Variants in RPTOR observed in about 807,000 individuals in gnomAD.
RPTOR encodes the protein regulatory-associated protein of mTOR.
In RPTOR, 21 loss-of-function variants were observed where a neutral mutation model predicts 169.9. That is an observed-to-expected ratio of 0.12 (90% CI 0.09 to 0.18). The LOEUF is 0.18. Among genes scored for constraint, RPTOR ranks in the 10% least tolerant of loss-of-function variants. The probability of loss-of-function intolerance (pLI) is 1.00; values close to 1 mark genes in which losing one functional copy is unlikely to be tolerated. For missense variants in RPTOR, 1,133 were observed against 1,855.9 expected (o/e 0.61, Z 7.16); for synonymous variants, 732 against 753.2 (o/e 0.97, Z 0.46).
chr17:80,735,959 T>C (rs1417829443), intron 5 of RPTOR, among the ~76,000 whole-genome samples: 6 of 151,914 alleles, frequency 3.9e-5, no homozygotes, highest in Non-Finnish European at 4.4e-5. Context: ...ATGGCTTGAG[T>C]TCAGGAGTTC....
intron 25 of RPTOR, among the ~76,000 whole-genome samples, chr17:80,940,940 C>A (rs1268103599): frequency 2.0e-5 from 3 of 152,228 alleles, no homozygotes; most frequent in African/African-American, 7.2e-5. Flanking sequence ...GCAGGTGGAA[C>A]TCATGGAGGC....
At chr17:80,626,662 TC>T (rs1191228028) in intron 2 of RPTOR, among the ~76,000 whole-genome samples, 1 of 151,024 alleles carries the variant, frequency 6.6e-6, no homozygotes, top group Non-Finnish European at 1.5e-5. Flanking sequence ...AGTAATTTGC[TC>T]ACGGTTGTCC....
chr17:80,623,759 C>T (rs1599610106), intron 1 of RPTOR, among the ~76,000 whole-genome samples: 1 of 152,274 alleles, frequency 6.6e-6, no homozygotes, highest in East Asian at 1.9e-4. Flanking sequence ...TGATCTTGAA[C>T]TCCTGATGTC....
At chr17:80,568,925 A>G (rs1168453010) in intron 1 of RPTOR, among the ~76,000 whole-genome samples, 3 of 152,298 alleles carry the variant, frequency 2.0e-5, no homozygotes, top group African/African-American at 7.2e-5. Flanking sequence ...GTGACCTCCC[A>G]TGGTGTCAGG....
In RPTOR at chr17:80,964,413, G is replaced by A; in HGVS notation, c.*83G>A. On this transcript the variant is annotated 3_prime_UTR_variant, in exon 34 of 34. Coordinates refer to ENST00000306801, the MANE Select transcript of RPTOR (RefSeq NM_020761.3). Reference sequence around the variant, plus strand: ...CTCGCCGGGGCACGGGGCGTCGGCTGCTGCGGCCCCGCAGTGTGAACGTTG... The same window carrying A: ...CTCGCCGGGGCACGGGGCGTCGGCTACTGCGGCCCCGCAGTGTGAACGTTG... The A allele has an allele frequency of 7.3e-7, 1 of 1,376,288 alleles. No homozygotes were observed. Among genetic ancestry groups the A allele is most frequent in the Non-Finnish European group, 1.0e-6 (1 of 979,280 alleles). 85.3% of individuals were successfully genotyped at this position (1,376,288 alleles called of 1,614,324 possible).
rs542682439 is a variant in RPTOR at position 80,881,486 on chromosome 17, G to A, written c.1584+997G>A. Among the ~76,000 whole-genome samples the A allele has an allele frequency of 5.9e-5, 9 of 152,376 alleles. No individual in the cohort carries two copies. The South Asian group carries it at 1.4e-3, about 25-fold the overall frequency. On this transcript the variant is annotated intron_variant, in intron 14 of 33. Coordinates refer to ENST00000306801, the MANE Select transcript of RPTOR (RefSeq NM_020761.3). ...ACATGAACGGCCCCACCTCAGCCAC[G>A]AGCCTGCGGAAGTTTTGAGGACACA...
At chr17:80,854,839 G>A (rs2067835345) in intron 11 of RPTOR, among the ~76,000 whole-genome samples, 1 of 152,238 alleles carries the variant, frequency 6.6e-6, no homozygotes, top group South Asian at 2.1e-4. Flanking sequence ...GCTGCAGTGA[G>A]CCATGATCTG....
At chr17:80,872,115 G>A (rs1369336785) in intron 13 of RPTOR, among the ~76,000 whole-genome samples, 1 of 152,226 alleles carries the variant, frequency 6.6e-6, no homozygotes, top group Non-Finnish European at 1.5e-5. Context: ...TAGGGAGCAC[G>A]TTTGTGAAGC....
intron 9 of RPTOR, among the ~76,000 whole-genome samples, chr17:80,835,179 G>A (rs1271639110): frequency 6.6e-6 from 1 of 152,026 alleles, no homozygotes; most frequent in South Asian, 2.1e-4. Context: ...GGCCAGTCTT[G>A]GGAAAATTGA....
At chr17:80,608,422 C>T (rs997359275) in intron 1 of RPTOR, among the ~76,000 whole-genome samples, 7 of 152,144 alleles carry the variant, frequency 4.6e-5, no homozygotes, top group African/African-American at 1.4e-4. Context: ...TCTTTACAGC[C>T]GTTGTTTTTT....
At chr17:80,831,346 G>A (rs889818140) in intron 9 of RPTOR, among the ~76,000 whole-genome samples, 2 of 152,118 alleles carry the variant, frequency 1.3e-5, no homozygotes, top group South Asian at 2.1e-4. Context: ...CTCCAATAAG[G>A]CATTTGATTC....
chr17:80,701,212 T>C (rs1399817518), intron 3 of RPTOR, among the ~76,000 whole-genome samples: 1 of 152,182 alleles, frequency 6.6e-6, no homozygotes, highest in Non-Finnish European at 1.5e-5. Context: ...TGGGAACAAA[T>C]GCTGTGAAGT....
chr17:80,949,626 G>T, intron 28 of RPTOR, 79 bp downstream of exon 28: 1 of 1,198,768 alleles, frequency 8.3e-7, no homozygotes, highest in Non-Finnish European at 1.2e-6. Flanking sequence ...AGGCCCTTCT[G>T]GGGCTGTCTC....
Position 80,714,826 on chromosome 17 carries a change from C to T in RPTOR, c.507+6827C>T, listed in dbSNP as rs1165939627. On this transcript the variant is annotated intron_variant, in intron 4 of 33. Coordinates refer to ENST00000306801, the MANE Select transcript of RPTOR (RefSeq NM_020761.3). ...GCAACCTTTGTCTCCTGGATTCAAG[C>T]AATTCCCCTGCCTCAGCCTCCCAAG... Among the ~76,000 whole-genome samples the T allele has an allele frequency of 2.0e-5, 3 of 152,194 alleles. No individual in the cohort carries two copies. The South Asian group carries it at 6.2e-4, about 31-fold the overall frequency.
rs1301164767 is a variant in RPTOR, at chr17:80,746,327, G to A, written c.655-7683G>A. Among the ~76,000 whole-genome samples the A allele has an allele frequency of 4.0e-5, 6 of 150,678 alleles. No homozygotes were observed. Among genetic ancestry groups the A allele is most frequent in the Admixed American group, 2.0e-4 (3 of 15,104 alleles). Reference sequence around the variant, plus strand: ...TGATCCCCACCGCCCCCACAGCGGTGCTTTCTGCGGGTGATCCCCACCGCC... The same window carrying A: ...TGATCCCCACCGCCCCCACAGCGGTACTTTCTGCGGGTGATCCCCACCGCC... On this transcript the variant is annotated intron_variant, in intron 5 of 33. Coordinates refer to ENST00000306801, the MANE Select transcript of RPTOR (RefSeq NM_020761.3). The surrounding 1 kb of genome is among the most constrained non-coding windows in gnomAD (Gnocchi z 4.5).
intron 20 of RPTOR, among the ~76,000 whole-genome samples, chr17:80,895,548 G>A (rs926971470): frequency 2.2e-4 from 33 of 152,340 alleles, no homozygotes; most frequent in Non-Finnish European, 3.8e-4. Context: ...TGCCTGGTAC[G>A]CAGTAGGTGC....
intron 21 of RPTOR, among the ~76,000 whole-genome samples, chr17:80,913,694 T>C (rs1333259937): frequency 5.3e-4 from 81 of 152,218 alleles, no homozygotes; most frequent in South Asian, 3.5e-3. Flanking sequence ...CTCAAGTGAT[T>C]CACCCACATT....
intron 5 of RPTOR, among the ~76,000 whole-genome samples, chr17:80,738,798 A>G (rs2066456694): frequency 6.6e-6 from 1 of 152,236 alleles, no homozygotes; most frequent in Non-Finnish European, 1.5e-5. Flanking sequence ...ATATTTGAAT[A>G]AACTACCTTT....
rs1688385760 is a variant in RPTOR at position 80,695,780 on chromosome 17, A to G, written c.349-12061A>G. The stretch of plus-strand genomic sequence containing the variant: ...TTGAGGCCCATCTTTACAGAGTGAC[A>G]GGAGCTCAGGATGCAGAGGCACCAA... On this transcript the variant is annotated intron_variant, in intron 3 of 33. Coordinates refer to ENST00000306801, the MANE Select transcript of RPTOR (RefSeq NM_020761.3). This position sits in a 1 kb window ranked among gnomAD's most constrained non-coding sequence, Gnocchi z 4.9. Among the ~76,000 whole-genome samples, 2 of 152,220 alleles carry G rather than the reference A, an allele frequency of 1.3e-5. No homozygotes were observed. The highest frequency in any genetic ancestry group is 2.4e-5 in the African/African-American group (1 of 41,460).
Sources: gnomAD v4.1 joint callset for allele counts (sites outside exome capture counted in the v4.1 genomes callset) on GRCh38, gnomAD v4.1.1 for gene constraint, Gnocchi (gnomAD v3.1) non-coding constraint, MANE v1.5 for transcripts, NCBI Gene and HGNC (gene_info 2026-07-23, HGNC 2026-07-21) for gene names.